The following SMARCC1 variants were observed in gnomAD, a reference collection of about 807,000 sequenced individuals.
SMARCC1 encodes SWI/SNF complex subunit SMARCC1.
A neutral mutation model predicts 147.4 loss-of-function variants in SMARCC1; 43 were observed. The observed-to-expected ratio is 0.29, with a 90% CI of 0.23 to 0.38. SMARCC1 has a LOEUF of 0.38. Ranked by LOEUF, SMARCC1 falls within the 10% of genes least tolerant of loss-of-function variation. The pLI, the probability that SMARCC1 is intolerant of heterozygous loss-of-function variation, is 1.00. For missense variants in SMARCC1, 1,119 were observed against 1,381.1 expected, an observed-to-expected ratio of 0.81 and a Z score of 3.01; for synonymous variants, 495 against 484.4, an observed-to-expected ratio of 1.02 and a Z score of -0.29.
At chr3:47,746,047 T>A in intron 2 of SMARCC1, 54 bp from the exon 3 acceptor site, 1 of 1,130,264 alleles carries the variant, frequency 8.8e-7, no homozygotes, top group Non-Finnish European at 1.3e-6. Flanking sequence ...ACAAAATTAC[T>A]CATGTCTTAA....
intron 18 of SMARCC1, among the ~76,000 whole-genome samples, chr3:47,671,917 G>A (rs1321275075): frequency 6.6e-6 from 1 of 151,772 alleles, no homozygotes; most frequent in East Asian, 1.9e-4. Context: ...CACACTGCAT[G>A]AAAAAAATTA....
In SMARCC1 at chr3:47,747,705, G is replaced by A. The variant is rs184115474; in HGVS notation, c.316-1712C>T. On this transcript the variant is annotated intron_variant, in intron 2 of 27. Transcript: ENST00000254480. Reference sequence around the variant, plus strand: ...AAAATGCCTGTAACCCCAGTACTCTGGTTGAGAAAGAAGGCAGGGAGGAAG... The same window carrying A: ...AAAATGCCTGTAACCCCAGTACTCTAGTTGAGAAAGAAGGCAGGGAGGAAG... Among the ~76,000 whole-genome samples the A allele has an allele frequency of 7.1e-4, 108 of 152,004 alleles. No homozygotes were observed. In the Middle Eastern group the frequency reaches 0.01, roughly 14 times the overall value.
intron 21 of SMARCC1, among the ~76,000 whole-genome samples, chr3:47,655,191 T>C (rs1383783625): frequency 6.6e-6 from 1 of 152,220 alleles, no homozygotes; most frequent in East Asian, 1.9e-4. Flanking sequence ...GAGCACTAGC[T>C]AGCAATTTTA....
intron 9 of SMARCC1, among the ~76,000 whole-genome samples, chr3:47,707,332 A>G (rs991477345): frequency 1.3e-5 from 2 of 151,924 alleles, no homozygotes; most frequent in African/African-American, 4.8e-5. Flanking sequence ...AAAAAAAAAA[A>G]GTCAACCTTT....
chr3:47,723,687 C>A (rs975250243), intron 6 of SMARCC1, among the ~76,000 whole-genome samples: 2 of 151,888 alleles, frequency 1.3e-5, no homozygotes, highest in Non-Finnish European at 2.9e-5. Flanking sequence ...GTGGCGGGGG[C>A]CTGTAATCCC....
chr3:47,643,353 A>T (rs1002595708), intron 21 of SMARCC1, among the ~76,000 whole-genome samples: 1 of 152,222 alleles, frequency 6.6e-6, no homozygotes, highest in Non-Finnish European at 1.5e-5. Flanking sequence ...CAGTACATGC[A>T]TGTGTAACAC....
At chr3:47,628,696 CTG>C (rs1337952752) in intron 24 of SMARCC1, among the ~76,000 whole-genome samples, 1 of 152,178 alleles carries the variant, frequency 6.6e-6, no homozygotes, top group African/African-American at 2.4e-5. Context: ...TCCCAAGTAA[CTG>C]GGCCTACAGG....
In SMARCC1 at chr3:47,687,566, A is replaced by G. The variant is rs74404104; in HGVS notation, c.1264-1396T>C. On this transcript the variant is annotated intron_variant, in intron 13 of 27. Transcript: ENST00000254480. The stretch of plus-strand genomic sequence containing the variant: ...GGCTTCAAATCCTCTTATCTTTGGC[A>G]TTAAAACGAAGGAATTTGACTTTCC... Among the ~76,000 whole-genome samples, 17 of 152,326 alleles carry G rather than the reference A, an allele frequency of 1.1e-4. No homozygotes were observed. In the East Asian group the frequency reaches 3.3e-3, roughly 29 times the overall value.
intron 26 of SMARCC1, among the ~76,000 whole-genome samples, chr3:47,591,538 TTTTG>T (rs763862013): frequency 1.8e-4 from 27 of 151,928 alleles, no homozygotes; most frequent in South Asian, 2.1e-4. Context: ...CTTCCTTTCC[TTTTG>T]TTTGTTTCTT....
At chr3:47,745,805 C>T (rs193031730) in intron 3 of SMARCC1, 103 bp downstream of exon 3, 1 of 620,756 alleles carries the variant, frequency 1.6e-6, no homozygotes, top group African/African-American at 1.9e-5. Flanking sequence ...CTTGGTAAAA[C>T]ACATTAATCA....
intron 22 of SMARCC1, among the ~76,000 whole-genome samples, chr3:47,637,058 T>C (rs2032980656): frequency 6.6e-6 from 1 of 152,090 alleles, no homozygotes; most frequent in Non-Finnish European, 1.5e-5. Flanking sequence ...GCTATATTGT[T>C]TGCTTAGAGG....
intron 20 of SMARCC1, 120 bp downstream of exon 20, chr3:47,662,214 C>A (rs2033355916): frequency 2.3e-6 from 2 of 863,602 alleles, no homozygotes. Flanking sequence ...TGGTATCTTT[C>A]ACAGGTAATA....
At chr3:47,777,779 C>T (rs930954970) in intron 1 of SMARCC1, among the ~76,000 whole-genome samples, 6 of 151,892 alleles carry the variant, frequency 4.0e-5, no homozygotes, top group Non-Finnish European at 7.4e-5. Context: ...CCACCGGCCT[C>T]GGTCTCCCAA....
intron 2 of SMARCC1, among the ~76,000 whole-genome samples, chr3:47,756,013 A>C: frequency 6.8e-6 from 1 of 146,086 alleles, no homozygotes. Flanking sequence ...AAAAAAAAAA[A>C]AAAAAAAGGC....
At chr3:47,773,145 G>C (rs1478758641) in intron 1 of SMARCC1, among the ~76,000 whole-genome samples, 1 of 150,982 alleles carries the variant, frequency 6.6e-6, no homozygotes, top group African/African-American at 2.4e-5. Context: ...TCTTTTCTTT[G>C]AGACGGAGCT....
intron 2 of SMARCC1, among the ~76,000 whole-genome samples, chr3:47,748,436 C>T (rs372516149): frequency 1.3e-5 from 2 of 152,054 alleles, no homozygotes; most frequent in East Asian, 3.9e-4. Context: ...ATTGGCCAAG[C>T]TGATATGAAA....
chr3:47,721,424 A>G (rs1399043911), intron 6 of SMARCC1, among the ~76,000 whole-genome samples: 2 of 152,158 alleles, frequency 1.3e-5, no homozygotes, highest in Non-Finnish European at 2.9e-5. Context: ...TCACAGTTAA[A>G]TTACCTCCAC....
chr3:47,685,332 A>G (rs1267945345), intron 14 of SMARCC1, among the ~76,000 whole-genome samples: 2 of 152,226 alleles, frequency 1.3e-5, no homozygotes, highest in Admixed American at 6.5e-5. Context: ...ACGGAAAATT[A>G]TGAATTGTTT....
chr3:47,601,067 G>A (rs2032377354), intron 26 of SMARCC1, among the ~76,000 whole-genome samples: 1 of 133,506 alleles, frequency 7.5e-6, no homozygotes, highest in Non-Finnish European at 1.6e-5. Context: ...CAAAACAGCA[G>A]TATCAAAAGC....
Sources: gnomAD v4.1 joint callset for allele counts (sites outside exome capture counted in the v4.1 genomes callset) on GRCh38, gnomAD v4.1.1 for gene constraint, MANE v1.5 for transcripts, NCBI Gene and HGNC (gene_info 2026-07-23, HGNC 2026-07-21) for gene names.